The following PCSK4 variants were observed in gnomAD, a reference collection of about 807,000 sequenced individuals.
PCSK4 encodes proprotein convertase subtilisin/kexin type 4.
In PCSK4, 64 loss-of-function variants were observed where a neutral mutation model predicts 80.3. The ratio of observed to expected loss-of-function variants is 0.80; its 90% CI spans 0.65 to 0.98. PCSK4 has a LOEUF of 0.98. PCSK4 is among the 50% of genes least tolerant of loss of function. The pLI is 0.00. For synonymous variants in PCSK4, 561 were observed against 487.6 expected (o/e 1.15, Z -1.98); for missense variants, 1,213 against 1,093.6 (o/e 1.11, Z -1.54).
chr19:1,482,042 C>G, exon 15 of PCSK4: 1 of 1,561,268 alleles, frequency 6.4e-7, no homozygotes, highest in Non-Finnish European at 8.7e-7. Context: ...CCTCGGGGAG[C>G]CGCCGCGGCA....
intron 8 of PCSK4, among the ~76,000 whole-genome samples, chr19:1,486,335 C>T (rs1190242301): frequency 4.0e-5 from 6 of 149,916 alleles, no homozygotes; most frequent in Admixed American, 1.3e-4. Flanking sequence ...CTCACTCTGT[C>T]GCCCAGGCTG....
At chr19:1,488,132 G>C (rs2084739126) in intron 3 of PCSK4, 40 bp from the exon 4 acceptor site, 2 of 1,613,084 alleles carry the variant, frequency 1.2e-6, no homozygotes, top group Middle Eastern at 1.7e-4. Flanking sequence ...TGAGGGCCTG[G>C]AGTTGAGGGC....
At chr19:1,483,122 G>A (rs746948340) in intron 12 of PCSK4, 102 bp from the exon 13 acceptor site, 237 of 1,276,002 alleles carry the variant, frequency 1.9e-4, no homozygotes, top group Non-Finnish European at 2.4e-4. Flanking sequence ...TGGTGGCCGC[G>A]TGTCCTCTGG....
chr19:1,487,694 G>A lies in PCSK4; in HGVS notation c.594-3C>T, dbSNP rs750590920. 6.4e-7 allele frequency: 1 copy of A among 1,553,518 alleles called. No individual in the cohort carries two copies. The highest frequency in any genetic ancestry group is 1.2e-5 in the South Asian group (1 of 84,426). ...CCCCAGCACAGCGGGTCCCGTGCCT[G>A]GTGCCAGGGCCAAGAGGGGCTCCTG... On this transcript the variant is annotated splice_region_variant and splice_polypyrimidine_tract_variant and intron_variant, in intron 5 of 14. Transcript: ENST00000300954.
At chr19:1,481,810 A>C in exon 15 of PCSK4, 2 of 1,526,964 alleles carry the variant, frequency 1.3e-6, no homozygotes, top group African/African-American at 1.4e-5. Flanking sequence ...TGGCCCTGGC[A>C]CGGGAGAGCC....
rs2084420313 is a variant in PCSK4 at position 1,483,470 on chromosome 19, G to A, written c.1392-7C>T. 1.3e-6 allele frequency: 2 copies of A among 1,576,128 alleles called. No individual in the cohort carries two copies. The highest frequency in any genetic ancestry group is 1.3e-5 in the African/African-American group (1 of 74,494). ...GATCAGCGGCAGGATGGGGCTGAGG[G>A]GGTCGAGGGGTGAGGACCCTCCTGC... On this transcript the variant is annotated splice_region_variant and splice_polypyrimidine_tract_variant and intron_variant, in intron 11 of 14. Coordinates refer to ENST00000300954, the Ensembl canonical transcript of PCSK4.
exon 13 of PCSK4, chr19:1,482,896 C>A (rs754264188): frequency 6.2e-7 from 1 of 1,613,480 alleles, no homozygotes; most frequent in Non-Finnish European, 8.5e-7. Flanking sequence ...CCGCCCTCAC[C>A]CGTGTTGAAA....
At chr19:1,486,926 G>A (rs1157055701) in exon 8 of PCSK4, 2 of 1,604,912 alleles carry the variant, frequency 1.2e-6, no homozygotes, top group Middle Eastern at 1.7e-4. Flanking sequence ...GCTGTACCAG[G>A]GCACGCGGCC....
rs772657330 is a variant in PCSK4 at position 1,482,621 on chromosome 19, C to T, written c.1697-146G>A. 238 of 1,045,760 alleles carry T rather than the reference C, an allele frequency of 2.3e-4. 1 individual carries two copies. Among genetic ancestry groups the T allele is most frequent in the Middle Eastern group, 8.8e-4 (3 of 3,392 alleles). 64.8% of individuals were successfully genotyped at this position (1,045,760 alleles called of 1,614,324 possible). ...CTCAGGGAATTGCACACCTACTGTG[C>T]GCCTGTCACTGGACACCGACATCTC... On this transcript the variant is annotated intron_variant, in intron 13 of 14. Coordinates refer to ENST00000300954, the Ensembl canonical transcript of PCSK4.
rs1439651349 is a variant in PCSK4, at chr19:1,483,472, G to A, written c.1392-9C>T. The A allele has an allele frequency of 6.4e-7, 1 of 1,573,448 alleles. No homozygotes were observed. The highest frequency in any genetic ancestry group is 8.6e-7 in the Non-Finnish European group (1 of 1,161,432). The stretch of plus-strand genomic sequence containing the variant: ...TCAGCGGCAGGATGGGGCTGAGGGG[G>A]TCGAGGGGTGAGGACCCTCCTGCGG... On this transcript the variant is annotated splice_polypyrimidine_tract_variant and intron_variant, in intron 11 of 14. Transcript: ENST00000300954.
At chr19:1,486,821 G>A in intron 8 of PCSK4, 32 bp downstream of exon 8, 1 of 1,551,454 alleles carries the variant, frequency 6.4e-7, no homozygotes, top group Non-Finnish European at 8.7e-7. Context: ...CAGGGCCTGG[G>A]GAGGGGACCC....
chr19:1,484,094 G>T, exon 9 of PCSK4: 1 of 1,567,080 alleles, frequency 6.4e-7, no homozygotes, highest in East Asian at 2.4e-5. Context: ...CCCGTGTGCT[G>T]GTCTGTGCAC....
exon 15 of PCSK4, chr19:1,481,749 G>T: frequency 6.7e-7 from 1 of 1,501,146 alleles, no homozygotes; most frequent in Non-Finnish European, 8.9e-7. Context: ...CGCTTTCTGA[G>T]CTGACAACTT....
intron 2 of PCSK4, among the ~76,000 whole-genome samples, chr19:1,489,261 A>G (rs972570760): frequency 6.6e-6 from 1 of 151,400 alleles, no homozygotes; most frequent in African/African-American, 2.4e-5. Context: ...CCTCCTGAAT[A>G]GCTGGGACTA....
Position 1,486,851 on chromosome 19 carries a change from A to T in PCSK4, c.1068+2T>A. On this transcript the variant is annotated splice_donor_variant, in intron 8 of 14. Transcript: ENST00000300954. LOFTEE classifies it high-confidence loss of function. Reference sequence around the variant, plus strand: ...GGACCCTGTTGGGGCGGCTGCACTCACGATCTGGGGGTCGGTGGCCACGCC... The same window carrying T: ...GGACCCTGTTGGGGCGGCTGCACTCTCGATCTGGGGGTCGGTGGCCACGCC... 6.3e-7 allele frequency: 1 copy of T among 1,594,448 alleles called. No individual in the cohort carries two copies. Among genetic ancestry groups the T allele is most frequent in the Non-Finnish European group, 8.5e-7 (1 of 1,177,792 alleles).
chr19:1,490,333 G>A (rs770806695), exon 1 of PCSK4: 1 of 1,326,034 alleles, frequency 7.5e-7, no homozygotes, highest in African/African-American at 1.5e-5. Flanking sequence ...CAGCGCAATC[G>A]GGGCGGGCCG....
chr19:1,487,737 C>T (rs1441161240), intron 5 of PCSK4, 46 bp from the exon 6 acceptor site: 2 of 1,546,900 alleles, frequency 1.3e-6, no homozygotes, highest in Admixed American at 2.0e-5. Flanking sequence ...CTCCATCCCC[C>T]TGCCGGGTAC....
upstream of PCSK4, chr19:1,490,465 G>A (rs1429796028): frequency 5.6e-6 from 3 of 538,330 alleles, no homozygotes; most frequent in Non-Finnish European, 9.7e-6. Flanking sequence ...TCGACTCCCA[G>A]GGGGCCTTGC....
At chr19:1,488,213 G>A (rs1452162834) in exon 3 of PCSK4, 1 of 1,613,492 alleles carries the variant, frequency 6.2e-7, no homozygotes, top group Non-Finnish European at 8.5e-7. Context: ...GGAGAACCAG[G>A]GGTCCGTGGG....
Sources: allele counts gnomAD v4.1 joint callset (sites outside exome capture counted in the v4.1 genomes callset), GRCh38; gene constraint gnomAD v4.1.1; transcripts MANE v1.5; gene names NCBI Gene and HGNC (gene_info 2026-07-23, HGNC 2026-07-21).